The following SNX13 variants were observed in gnomAD, a reference collection of about 807,000 sequenced individuals.
SNX13 encodes the protein sorting nexin-13.
In SNX13, 45 loss-of-function variants were observed where a neutral mutation model predicts 133.6. The ratio of observed to expected loss-of-function variants is 0.34; its 90% CI spans 0.27 to 0.43. The LOEUF is 0.43. SNX13 is among the 20% of genes least tolerant of loss of function. SNX13 has a pLI of 1.00. For missense variants in SNX13, 1,032 were observed against 1,145.1 expected (o/e 0.90, Z 1.43); for synonymous variants, 414 against 373.9 (o/e 1.11, Z -1.24).
chr7:17,878,138 C>T (rs1794933154), intron 5 of SNX13, among the ~76,000 whole-genome samples: 3 of 152,054 alleles, frequency 2.0e-5, no homozygotes, highest in South Asian at 4.1e-4. Flanking sequence ...TACTACATAG[C>T]TTTCTATTAG....
chr7:17,901,020 T>A (rs567723922), intron 1 of SNX13, among the ~76,000 whole-genome samples: 1 of 152,128 alleles, frequency 6.6e-6, no homozygotes, highest in Non-Finnish European at 1.5e-5. Context: ...AAGGGCTCTT[T>A]AGTCAGCAGG....
chr7:17,825,010 C>T (rs1267301733), intron 17 of SNX13, among the ~76,000 whole-genome samples: 3 of 152,088 alleles, frequency 2.0e-5, no homozygotes, highest in Admixed American at 6.6e-5. Flanking sequence ...CCTCGTGATC[C>T]GCCTGCCTCA....
intron 3 of SNX13, among the ~76,000 whole-genome samples, chr7:17,891,854 A>G (rs555848670): frequency 1.8e-4 from 28 of 152,162 alleles, no homozygotes; most frequent in African/African-American, 5.5e-4. Flanking sequence ...AATCAGCAAA[A>G]ATTATTTAGA....
chr7:17,797,188 C>T (rs1784146012), intron 24 of SNX13, among the ~76,000 whole-genome samples: 1 of 151,852 alleles, frequency 6.6e-6, no homozygotes, highest in Non-Finnish European at 1.5e-5. Context: ...TTCATAAACA[C>T]TAATGAAGAC....
intron 15 of SNX13, chr7:17,832,122 T>C (rs1006953290): frequency 3.4e-5 from 33 of 984,176 alleles, no homozygotes; most frequent in Non-Finnish European, 3.7e-5. Context: ...GAGGGGTTAC[T>C]CAATAACTGA....
At chr7:17,828,006 T>C (rs1262109936) in intron 16 of SNX13, among the ~76,000 whole-genome samples, 3 of 151,946 alleles carry the variant, frequency 2.0e-5, no homozygotes, top group East Asian at 1.9e-4. Context: ...TTCCCTTGTA[T>C]GTTAACATTT....
At chr7:17,831,515 CCTA>C in intron 15 of SNX13, 2 of 984,108 alleles carry the variant, frequency 2.0e-6, no homozygotes, top group Non-Finnish European at 2.4e-6. Flanking sequence ...TAATTCTCTA[CCTA>C]CTGTTAAGTT....
intron 17 of SNX13, among the ~76,000 whole-genome samples, chr7:17,825,806 G>A (rs1228198769): frequency 6.6e-6 from 1 of 152,050 alleles, no homozygotes; most frequent in Middle Eastern, 3.2e-3. Context: ...TAGAATATAA[G>A]CATTTTCAAA....
intron 11 of SNX13, among the ~76,000 whole-genome samples, chr7:17,849,876 G>T (rs1791001512): frequency 6.6e-6 from 1 of 152,196 alleles, no homozygotes; most frequent in African/African-American, 2.4e-5. Context: ...ACCAGTCCAA[G>T]ACATTCTCTA....
At chr7:17,933,082 T>TA (rs1373371258) in intron 1 of SNX13, among the ~76,000 whole-genome samples, 1 of 152,198 alleles carries the variant, frequency 6.6e-6, no homozygotes, top group Non-Finnish European at 1.5e-5. Flanking sequence ...CAGCACGAGT[T>TA]ATAACAAAAG....
chr7:17,854,874 T>C (rs1176060944), intron 9 of SNX13, among the ~76,000 whole-genome samples: 1 of 152,182 alleles, frequency 6.6e-6, no homozygotes, highest in Non-Finnish European at 1.5e-5. Context: ...TCTTTCATTT[T>C]CAATCAAAAG....
intron 1 of SNX13, among the ~76,000 whole-genome samples, chr7:17,910,520 T>C (rs1176707677): frequency 6.6e-6 from 1 of 152,102 alleles, no homozygotes; most frequent in Non-Finnish European, 1.5e-5. Flanking sequence ...CTCAAAAAAT[T>C]GAACACAGAA....
intron 20 of SNX13, among the ~76,000 whole-genome samples, chr7:17,812,468 T>C (rs1340806612): frequency 2.6e-5 from 4 of 152,156 alleles, no homozygotes; most frequent in Non-Finnish European, 5.9e-5. Flanking sequence ...CCAGTTAGAA[T>C]GGCAATCATT....
intron 1 of SNX13, among the ~76,000 whole-genome samples, chr7:17,902,029 G>T (rs1797894713): frequency 6.6e-6 from 1 of 152,144 alleles, no homozygotes; most frequent in South Asian, 2.1e-4. Flanking sequence ...ATATGGAGAA[G>T]ATTCATGCAC....
chr7:17,869,587 G>T (rs1425734750), intron 8 of SNX13, among the ~76,000 whole-genome samples: 2 of 152,020 alleles, frequency 1.3e-5, no homozygotes, highest in African/African-American at 4.8e-5. Context: ...TTAGTAAACT[G>T]TACAAGTCTC....
At chr7:17,916,787 G>T (rs1799607123) in intron 1 of SNX13, among the ~76,000 whole-genome samples, 1 of 151,952 alleles carries the variant, frequency 6.6e-6, no homozygotes, top group Admixed American at 6.6e-5. Flanking sequence ...AAACTAGGAG[G>T]AGGGATTCCT....
chr7:17,897,524 C>A, intron 1 of SNX13, 78 bp from the exon 2 acceptor site: 2 of 781,668 alleles, frequency 2.6e-6, no homozygotes, highest in South Asian at 2.6e-5. Context: ...AAAACTTTTA[C>A]ATAGTTTTAA....
At chr7:17,829,364 T>C (rs1296910166) in intron 16 of SNX13, among the ~76,000 whole-genome samples, 4 of 151,470 alleles carry the variant, frequency 2.6e-5, no homozygotes, top group Non-Finnish European at 4.4e-5. Flanking sequence ...GTGGCAAGGC[T>C]GGATATATAA....
In SNX13 at chr7:17,821,667, C is replaced by T. The variant is rs926836831; in HGVS notation, c.1706-19G>A. ...CAAACGCCTGCCACAGCATATGGGTCATAGTCAGCATATACTAATCATTTA... is the reference window on the plus strand; with the variant it reads ...CAAACGCCTGCCACAGCATATGGGTTATAGTCAGCATATACTAATCATTTA... On this transcript the variant is annotated intron_variant, in intron 17 of 25. Coordinates refer to ENST00000428135, the MANE Select transcript of SNX13 (RefSeq NM_015132.5). 1 of 1,607,828 alleles carries T rather than the reference C, an allele frequency of 6.2e-7. No individual in the cohort carries two copies. The highest frequency in any genetic ancestry group is 8.5e-7 in the Non-Finnish European group (1 of 1,176,842).
Sources: allele counts gnomAD v4.1 joint callset (sites outside exome capture counted in the v4.1 genomes callset), GRCh38; gene constraint gnomAD v4.1.1; transcripts MANE v1.5; gene names NCBI Gene and HGNC (gene_info 2026-07-23, HGNC 2026-07-21).